Variants in MLLT3 observed in about 807,000 individuals in gnomAD.
The protein encoded by MLLT3 is protein AF-9.
A neutral mutation model predicts 53.2 loss-of-function variants in MLLT3; 4 were observed. That is an observed-to-expected ratio of 0.08 (90% CI 0.04 to 0.17). The LOEUF is 0.17. MLLT3 is among the 10% of genes least tolerant of loss of function. The pLI, the probability that MLLT3 is intolerant of heterozygous loss-of-function variation, is 1.00. For missense variants in MLLT3, 569 were observed against 684.0 expected (o/e 0.83, Z 1.87); for synonymous variants, 283 against 230.6 (o/e 1.23, Z -2.06).
intron 5 of MLLT3, among the ~76,000 whole-genome samples, chr9:20,379,931 G>T (rs1821866024): frequency 6.6e-6 from 1 of 152,016 alleles, no homozygotes; most frequent in South Asian, 2.1e-4. Flanking sequence ...TAAATGAAGT[G>T]AGGCAGGTAC....
intron 5 of MLLT3, among the ~76,000 whole-genome samples, chr9:20,377,392 A>T (rs993620576): frequency 2.3e-4 from 35 of 152,240 alleles, no homozygotes; most frequent in South Asian, 2.1e-4. Flanking sequence ...TAAAAAGTAC[A>T]TTATGGCTAC....
At chr9:20,500,440 A>G (rs1043920881) in intron 2 of MLLT3, among the ~76,000 whole-genome samples, 1 of 152,260 alleles carries the variant, frequency 6.6e-6, no homozygotes, top group African/African-American at 2.4e-5. Flanking sequence ...AAACAGGCAC[A>G]AAAGCCAACC....
intron 4 of MLLT3, among the ~76,000 whole-genome samples, chr9:20,422,682 T>C (rs1390089929): frequency 6.6e-6 from 1 of 152,150 alleles, no homozygotes; most frequent in Non-Finnish European, 1.5e-5. Context: ...AATTATTTAT[T>C]AGGAAAGACA....
intron 2 of MLLT3, among the ~76,000 whole-genome samples, chr9:20,616,894 T>A (rs577425559): frequency 1.3e-5 from 2 of 152,318 alleles, no homozygotes; most frequent in African/African-American, 4.8e-5. Context: ...GAAGTAAATT[T>A]GCTAGGCTAA....
chr9:20,519,247 C>T (rs1314247511), intron 2 of MLLT3, among the ~76,000 whole-genome samples: 1 of 151,992 alleles, frequency 6.6e-6, no homozygotes. Flanking sequence ...TAATGGTGTG[C>T]CAATATTAGC....
intron 2 of MLLT3, among the ~76,000 whole-genome samples, chr9:20,517,813 G>A (rs1391494722): frequency 6.6e-6 from 1 of 151,872 alleles, no homozygotes; most frequent in Non-Finnish European, 1.5e-5. Flanking sequence ...ATTGCAGCCT[G>A]GGAGACAAGA....
intron 2 of MLLT3, among the ~76,000 whole-genome samples, chr9:20,556,103 C>T (rs906998799): frequency 5.9e-5 from 9 of 151,828 alleles, no homozygotes; most frequent in East Asian, 1.9e-4. Flanking sequence ...TAGTAATAAA[C>T]GAATTTATAA....
chr9:20,477,058 G>A (rs1053559331), intron 2 of MLLT3, among the ~76,000 whole-genome samples: 1 of 152,030 alleles, frequency 6.6e-6, no homozygotes, highest in Non-Finnish European at 1.5e-5. Flanking sequence ...ACTAGAACAG[G>A]GATACGGACT....
chr9:20,621,662 A>T lies in MLLT3; in HGVS notation c.12+583T>A. The stretch of plus-strand genomic sequence containing the variant: ...CAGGGCGGCGGGCGGACAGCCGCCG[A>T]GCCTCGGCTCGCGCTCAGCACCTCC... On this transcript the variant is annotated intron_variant, in intron 1 of 10. Coordinates refer to ENST00000380338, the MANE Select transcript of MLLT3 (RefSeq NM_004529.4). The surrounding 1 kb of genome is among the most constrained non-coding windows in gnomAD (Gnocchi z 7.0). 2 of 1,086,766 alleles carry T rather than the reference A, an allele frequency of 1.8e-6. No homozygotes were observed. The highest frequency in any genetic ancestry group is 2.5e-6 in the Non-Finnish European group (2 of 794,880). The allele number at this position is 1,086,766 out of a possible 1,614,324, so 67.3% of individuals were successfully genotyped here.
intron 2 of MLLT3, among the ~76,000 whole-genome samples, chr9:20,548,854 T>A (rs1818855214): frequency 6.6e-6 from 1 of 151,790 alleles, no homozygotes; most frequent in South Asian, 2.1e-4. Flanking sequence ...AGGGTCTCAC[T>A]GTGTCAGCCA....
intron 2 of MLLT3, among the ~76,000 whole-genome samples, chr9:20,596,271 AC>A (rs1251990487): frequency 2.0e-5 from 3 of 152,236 alleles, no homozygotes; most frequent in South Asian, 2.1e-4. Context: ...CTTTAAACCT[AC>A]CCCAAAACAC....
chr9:20,400,998 C>G (rs1488839380), intron 5 of MLLT3, among the ~76,000 whole-genome samples: 1 of 152,054 alleles, frequency 6.6e-6, no homozygotes, highest in Non-Finnish European at 1.5e-5. Context: ...TCTCCAACCT[C>G]AATTGAGTTA....
In MLLT3 at chr9:20,488,245, C is replaced by T. The variant is rs147064072; in HGVS notation, c.194-31459G>A. Among the ~76,000 whole-genome samples the T allele has an allele frequency of 1.6e-3, 246 of 152,096 alleles. 1 individual carries two copies. Among genetic ancestry groups the T allele is most frequent in the Non-Finnish European group, 2.8e-3 (187 of 67,926 alleles). On this transcript the variant is annotated intron_variant, in intron 2 of 10. Transcript: ENST00000380338. ...ATTACTACTTAATAGGTAGAAACTT[C>T]CAGCTTGGGGTAACAAAAAAGCTCT...
intron 4 of MLLT3, among the ~76,000 whole-genome samples, chr9:20,423,423 T>G (rs1823064531): frequency 6.6e-6 from 1 of 151,906 alleles, no homozygotes; most frequent in Admixed American, 6.6e-5. Context: ...TAAAATATTA[T>G]TTTTTGGCAG....
intron 4 of MLLT3, among the ~76,000 whole-genome samples, chr9:20,447,837 T>C (rs1823742230): frequency 6.6e-6 from 1 of 152,168 alleles, no homozygotes; most frequent in Non-Finnish European, 1.5e-5. Context: ...TGAGAGTTTA[T>C]TGCTTGTTTG....
At chr9:20,395,663 G>T (rs1822304080) in intron 5 of MLLT3, among the ~76,000 whole-genome samples, 1 of 152,158 alleles carries the variant, frequency 6.6e-6, no homozygotes, top group African/African-American at 2.4e-5. Context: ...ATTCAGGAAA[G>T]AAATTTAGGT....
intron 2 of MLLT3, among the ~76,000 whole-genome samples, chr9:20,612,727 G>A (rs903130034): frequency 6.6e-6 from 1 of 151,880 alleles, no homozygotes; most frequent in Non-Finnish European, 1.5e-5. Context: ...AGGAACCAGA[G>A]AAATGTAAAT....
intron 2 of MLLT3, among the ~76,000 whole-genome samples, chr9:20,559,113 G>C (rs1324659437): frequency 6.6e-6 from 1 of 152,138 alleles, no homozygotes; most frequent in East Asian, 1.9e-4. Flanking sequence ...GGTCTCTCGG[G>C]AATCATTCAC....
intron 5 of MLLT3, among the ~76,000 whole-genome samples, chr9:20,372,235 T>C (rs1821625032): frequency 6.6e-6 from 1 of 152,186 alleles, no homozygotes; most frequent in Admixed American, 6.5e-5. Flanking sequence ...ATAAAGAATT[T>C]AGAATATTAT....
Sources: gnomAD v4.1 joint callset for allele counts (sites outside exome capture counted in the v4.1 genomes callset) on GRCh38, gnomAD v4.1.1 for gene constraint, Gnocchi (gnomAD v3.1) non-coding constraint, MANE v1.5 for transcripts, NCBI Gene and HGNC (gene_info 2026-07-23, HGNC 2026-07-21) for gene names.